The following NME7 variants were observed in gnomAD, a reference collection of about 807,000 sequenced individuals.
NME7 encodes the protein NME/NM23 family member 7, also known as nucleoside diphosphate kinase 7.
NME7 carries 41 observed loss-of-function variants against 49.1 expected under a neutral mutation model. The ratio of observed to expected loss-of-function variants is 0.83; its 90% CI spans 0.65 to 1.08. NME7 has a LOEUF of 1.08. NME7 is among the 50% of genes least tolerant of loss of function. The probability of loss-of-function intolerance (pLI) is 0.00; values close to 1 mark genes in which losing one functional copy is unlikely to be tolerated. For synonymous variants in NME7, 139 were observed against 150.6 expected, an observed-to-expected ratio of 0.92 and a Z score of 0.56; for missense variants, 423 against 463.4, an observed-to-expected ratio of 0.91 and a Z score of 0.80.
At chr1:169,234,385 G>C (rs968512160) in intron 9 of NME7, among the ~76,000 whole-genome samples, 1 of 152,028 alleles carries the variant, frequency 6.6e-6, no homozygotes, top group Non-Finnish European at 1.5e-5. Flanking sequence ...GTAACAGCAT[G>C]AGATAGGAAT....
At chr1:169,229,207 TAC>T (rs993050804) in intron 10 of NME7, among the ~76,000 whole-genome samples, 4 of 152,348 alleles carry the variant, frequency 2.6e-5, no homozygotes, top group African/African-American at 9.6e-5. Context: ...CAGAATTCTC[TAC>T]CATATTTCCT....
chr1:169,364,099 T>G (rs1653762370), intron 1 of NME7, among the ~76,000 whole-genome samples: 1 of 152,230 alleles, frequency 6.6e-6, no homozygotes, highest in South Asian at 2.1e-4. Context: ...CCTATTACTT[T>G]GTATTCTCTC....
At chr1:169,363,515 G>T (rs1049426606) in intron 1 of NME7, among the ~76,000 whole-genome samples, 2 of 152,180 alleles carry the variant, frequency 1.3e-5, no homozygotes, top group Admixed American at 1.3e-4. Context: ...ATCAGGTACA[G>T]TTTGAGAAAC....
chr1:169,148,183 T>C (rs2101818053), intron 11 of NME7, among the ~76,000 whole-genome samples: 1 of 152,144 alleles, frequency 6.6e-6, no homozygotes, highest in South Asian at 2.1e-4. Context: ...TTGTATTTTT[T>C]GTAGAGCCAA....
chr1:169,187,078 G>A (rs1660086542), intron 10 of NME7, among the ~76,000 whole-genome samples: 2 of 152,152 alleles, frequency 1.3e-5, no homozygotes, highest in African/African-American at 4.8e-5. Context: ...TTTTGAGTGA[G>A]TTTCTTAATC....
chr1:169,198,500 T>A (rs1466475837), intron 10 of NME7, among the ~76,000 whole-genome samples: 1 of 152,044 alleles, frequency 6.6e-6, no homozygotes, highest in Non-Finnish European at 1.5e-5. Flanking sequence ...ATCTGGTATA[T>A]CCATACAATG....
At chr1:169,364,619 C>T (rs1327545746) in intron 1 of NME7, among the ~76,000 whole-genome samples, 2 of 152,140 alleles carry the variant, frequency 1.3e-5, no homozygotes, top group African/African-American at 4.8e-5. Flanking sequence ...GAAGTGAATC[C>T]ACCTTTGCAA....
At chr1:169,360,519 T>A (rs928912272) in intron 1 of NME7, among the ~76,000 whole-genome samples, 2 of 152,210 alleles carry the variant, frequency 1.3e-5, no homozygotes, top group African/African-American at 4.8e-5. Context: ...AGTCTCAGTA[T>A]TCCTGGCTCC....
At chr1:169,320,766 T>C (rs1651824119) in intron 3 of NME7, among the ~76,000 whole-genome samples, 1 of 152,184 alleles carries the variant, frequency 6.6e-6, no homozygotes, top group African/African-American at 2.4e-5. Flanking sequence ...ACTACATATA[T>C]TTTCATTTTC....
chr1:169,219,082 CCTT>C lies in NME7; in HGVS notation c.990+11633_990+11635del, dbSNP rs138116778. On this transcript the variant is annotated intron_variant, in intron 10 of 11. Transcript: ENST00000367811. The stretch of plus-strand genomic sequence containing the variant: ...CTTCTTTGCCAAGCCAAATTTAACT[CCTT>C]CTTTAAATTATAGCTCCAGGCATCA... Among the ~76,000 whole-genome samples, 33 of 152,214 alleles carry C rather than the reference CCTT, an allele frequency of 2.2e-4. 1 individual carries two copies. The East Asian group carries it at 6.0e-3, about 28-fold the overall frequency.
chr1:169,174,142 T>C (rs776028324), intron 10 of NME7, among the ~76,000 whole-genome samples: 5 of 152,196 alleles, frequency 3.3e-5, no homozygotes, highest in Non-Finnish European at 5.9e-5. Context: ...TTCTGACTTA[T>C]AGAATGACTT....
At chr1:169,279,802 C>T (rs768936242) in intron 7 of NME7, among the ~76,000 whole-genome samples, 2 of 152,216 alleles carry the variant, frequency 1.3e-5, no homozygotes, top group African/African-American at 2.4e-5. Flanking sequence ...GAGCTGTAGA[C>T]TGGAGCTGTT....
At chr1:169,360,859 T>C (rs1046907962) in intron 1 of NME7, among the ~76,000 whole-genome samples, 1 of 42,938 alleles carries the variant, frequency 2.3e-5, no homozygotes, top group Admixed American at 3.1e-4. Context: ...ATGTAAACTG[T>C]TTTTCTCTCA....
At chr1:169,358,619 A>G (rs1253566538) in intron 1 of NME7, among the ~76,000 whole-genome samples, 1 of 152,132 alleles carries the variant, frequency 6.6e-6, no homozygotes, top group Non-Finnish European at 1.5e-5. Flanking sequence ...ATAATTACAA[A>G]GAAATATTGT....
intron 2 of NME7, among the ~76,000 whole-genome samples, chr1:169,324,019 A>G (rs1651958630): frequency 6.6e-6 from 1 of 151,586 alleles, no homozygotes; most frequent in Non-Finnish European, 1.5e-5. Flanking sequence ...ACACCCGGCT[A>G]ATTTTTTGTA....
At chr1:169,352,030 C>G (rs1007611578) in intron 1 of NME7, among the ~76,000 whole-genome samples, 1 of 151,472 alleles carries the variant, frequency 6.6e-6, no homozygotes, top group African/African-American at 2.4e-5. Flanking sequence ...CAAACTATTC[C>G]AAAAAATAGA....
At chr1:169,295,661 C>G (rs574420905) in intron 6 of NME7, among the ~76,000 whole-genome samples, 1 of 152,302 alleles carries the variant, frequency 6.6e-6, no homozygotes, top group African/African-American at 2.4e-5. Flanking sequence ...TCTCCACCTA[C>G]TCCTTACCTT....
intron 7 of NME7, among the ~76,000 whole-genome samples, chr1:169,264,833 G>A (rs1189336718): frequency 4.5e-5 from 6 of 132,286 alleles, no homozygotes; most frequent in South Asian, 2.3e-4. Flanking sequence ...GTATTAGTCC[G>A]TACTCATGCT....
At chr1:169,206,838 T>C (rs754938667) in intron 10 of NME7, among the ~76,000 whole-genome samples, 6 of 151,514 alleles carry the variant, frequency 4.0e-5, no homozygotes, top group Non-Finnish European at 8.8e-5. Context: ...ATGTTTGCAA[T>C]TTCTGGTGGT....
Sources: gnomAD v4.1 joint callset for allele counts (sites outside exome capture counted in the v4.1 genomes callset) on GRCh38, gnomAD v4.1.1 for gene constraint, MANE v1.5 for transcripts, NCBI Gene and HGNC (gene_info 2026-07-23, HGNC 2026-07-21) for gene names.